ANO4: variants seen among roughly 807,000 people sequenced by gnomAD.
The protein encoded by ANO4 is anoctamin-4.
A neutral mutation model predicts 141.9 loss-of-function variants in ANO4; 69 were observed. The observed-to-expected ratio is 0.49, with a 90% CI of 0.40 to 0.59. The LOEUF is 0.59. Among genes scored for constraint, ANO4 ranks in the 20% least tolerant of loss-of-function variants. The probability of loss-of-function intolerance (pLI) is 0.00; values close to 1 mark genes in which losing one functional copy is unlikely to be tolerated. For missense variants in ANO4, 894 were observed against 1,162.2 expected (o/e 0.77, Z 3.36); for synonymous variants, 350 against 394.3 (o/e 0.89, Z 1.33).
chr12:101,090,418 A>G (rs916029424), intron 17 of ANO4, among the ~76,000 whole-genome samples: 2 of 152,226 alleles, frequency 1.3e-5, no homozygotes, highest in Non-Finnish European at 2.9e-5. Flanking sequence ...CTATGCAGCC[A>G]TAAAAAAGGA....
intron 1 of ANO4, among the ~76,000 whole-genome samples, chr12:100,852,085 G>C (rs2037905242): frequency 6.6e-6 from 1 of 152,136 alleles, no homozygotes; most frequent in Non-Finnish European, 1.5e-5. Flanking sequence ...GGAGTGACCT[G>C]ACATGACTTA....
chr12:101,032,569 C>T (rs935261526), intron 9 of ANO4, among the ~76,000 whole-genome samples: 1 of 152,216 alleles, frequency 6.6e-6, no homozygotes, highest in Non-Finnish European at 1.5e-5. Flanking sequence ...ACCTACTCAT[C>T]TGACAGAGGG....
intron 9 of ANO4, among the ~76,000 whole-genome samples, 155 bp downstream of exon 9, chr12:101,020,295 C>A (rs2046469623): frequency 6.6e-6 from 1 of 152,182 alleles, no homozygotes; most frequent in Non-Finnish European, 1.5e-5. Context: ...AGTGTAAAAT[C>A]TTCGTCGCAT....
At chr12:100,894,831 TG>T (rs2040266997) in intron 1 of ANO4, among the ~76,000 whole-genome samples, 1 of 151,522 alleles carries the variant, frequency 6.6e-6, no homozygotes. Context: ...CCGGGCGTGG[TG>T]GCGGGCGCCT....
At chr12:100,938,020 T>C (rs2042356106) in intron 3 of ANO4, among the ~76,000 whole-genome samples, 2 of 152,228 alleles carry the variant, frequency 1.3e-5, no homozygotes, top group South Asian at 4.1e-4. Flanking sequence ...TATTAACACG[T>C]TCTAGGAATC....
At chr12:100,988,407 C>G (rs1304610211) in intron 8 of ANO4, among the ~76,000 whole-genome samples, 1 of 151,988 alleles carries the variant, frequency 6.6e-6, no homozygotes, top group African/African-American at 2.4e-5. Flanking sequence ...GAAACACAGC[C>G]TCTCAGTGGA....
At chr12:100,959,134 C>T (rs73375040) in intron 5 of ANO4, among the ~76,000 whole-genome samples, 3,248 of 151,536 alleles carry the variant, frequency 0.021, 107 homozygotes, top group African/African-American at 0.075. Flanking sequence ...ACACACAGTT[C>T]TGCTGATAAC....
At chr12:100,889,878 T>A (rs1010609417) in intron 1 of ANO4, among the ~76,000 whole-genome samples, 4 of 152,164 alleles carry the variant, frequency 2.6e-5, no homozygotes, top group African/African-American at 9.7e-5. Context: ...ACTGAATAAA[T>A]AAATGGAAGA....
chr12:101,043,761 A>T (rs1031328215), intron 13 of ANO4, 126 bp downstream of exon 13: 15 of 676,194 alleles, frequency 2.2e-5, no homozygotes, highest in Non-Finnish European at 1.5e-5. Context: ...GGATAGACTT[A>T]TCTCCATCAT....
At chr12:101,058,143 GT>G (rs1269431276) in intron 14 of ANO4, among the ~76,000 whole-genome samples, 1 of 152,080 alleles carries the variant, frequency 6.6e-6, no homozygotes, top group Non-Finnish European at 1.5e-5. Context: ...TGCTGTTTTT[GT>G]CAGGTTTATC....
intron 21 of ANO4, 41 bp downstream of exon 21, chr12:101,097,986 C>T (rs764675241): frequency 2.6e-6 from 4 of 1,562,468 alleles, no homozygotes; most frequent in Non-Finnish European, 8.8e-7. Flanking sequence ...CAGCATTGCT[C>T]ATTATTGGCT....
intron 7 of ANO4, among the ~76,000 whole-genome samples, chr12:100,975,105 T>G (rs2044105352): frequency 6.6e-6 from 1 of 152,042 alleles, no homozygotes; most frequent in South Asian, 2.1e-4. Flanking sequence ...TCTTCCCACT[T>G]GGGGGGATTG....
chr12:101,025,440 C>T (rs1344937325), intron 9 of ANO4, among the ~76,000 whole-genome samples: 1 of 152,112 alleles, frequency 6.6e-6, no homozygotes. Flanking sequence ...CGGAAGGCAG[C>T]GAGAGTTCAC....
At chr12:100,995,736 G>A (rs2045339870) in intron 8 of ANO4, among the ~76,000 whole-genome samples, 1 of 152,182 alleles carries the variant, frequency 6.6e-6, no homozygotes, top group Non-Finnish European at 1.5e-5. Flanking sequence ...GATTTTATGT[G>A]AAATAAAATC....
intron 26 of ANO4, among the ~76,000 whole-genome samples, chr12:101,123,698 A>T (rs923191526): frequency 1.3e-5 from 2 of 152,082 alleles, no homozygotes; most frequent in Non-Finnish European, 2.9e-5. Context: ...TATGTACCAC[A>T]TTTTTTTATC....
intron 8 of ANO4, among the ~76,000 whole-genome samples, chr12:101,002,651 T>G (rs547317683): frequency 2.0e-5 from 3 of 152,200 alleles, no homozygotes; most frequent in Non-Finnish European, 4.4e-5. Flanking sequence ...GGTGTCATCT[T>G]CTTTATGAAA....
chr12:100,981,360 C>T (rs2044451659), intron 7 of ANO4, among the ~76,000 whole-genome samples: 1 of 151,646 alleles, frequency 6.6e-6, no homozygotes, highest in Non-Finnish European at 1.5e-5. Flanking sequence ...ATTCATGCCT[C>T]TGCTGTCTAT....
intron 14 of ANO4, among the ~76,000 whole-genome samples, chr12:101,063,163 C>G (rs1215828258): frequency 6.6e-6 from 1 of 152,248 alleles, no homozygotes; most frequent in Non-Finnish European, 1.5e-5. Flanking sequence ...CTTGTGCTTC[C>G]TGGGTGAGAC....
intron 7 of ANO4, among the ~76,000 whole-genome samples, chr12:100,980,578 T>C (rs919980133): frequency 1.3e-5 from 2 of 152,228 alleles, no homozygotes; most frequent in Admixed American, 1.3e-4. Flanking sequence ...ATAAGTGATA[T>C]TGAATTTTAT....
Sources: gnomAD v4.1 joint callset for allele counts (sites outside exome capture counted in the v4.1 genomes callset) on GRCh38, gnomAD v4.1.1 for gene constraint, MANE v1.5 for transcripts, NCBI Gene and HGNC (gene_info 2026-07-23, HGNC 2026-07-21) for gene names.